Variants in DIDO1 observed in about 807,000 individuals in gnomAD.
DIDO1 encodes the protein death-inducer obliterator 1.
A neutral mutation model predicts 99.4 loss-of-function variants in DIDO1; 16 were observed. The observed-to-expected ratio is 0.16, with a 90% CI of 0.11 to 0.24. The LOEUF (loss-of-function observed/expected upper bound fraction) is 0.24. Ranked by LOEUF, DIDO1 falls within the 10% of genes least tolerant of loss-of-function variation. DIDO1 has a pLI of 1.00. For synonymous variants in DIDO1, 1,366 were observed against 1,239.1 expected, an observed-to-expected ratio of 1.10 and a Z score of -2.15; for missense variants, 2,996 against 3,014.0, an observed-to-expected ratio of 0.99 and a Z score of 0.14.
Position 62,880,617 on chromosome 20 carries a change from G to C in DIDO1, c.5339C>G (p.Pro1780Arg). Residue 1780 changes from proline (P) to arginine (R), a missense_variant, in exon 16 of 16, where the codon CCG (proline) becomes CGG (arginine). Transcript: ENST00000395343. ...AGAAGCGATATTCTCTTCTGGAAAC[G>C]GAGGGGCTGGCCCCCTTGGTCCCGG... The part of the protein sequence containing the change: ...NFPGPRGPAP[P>R]FPEENIASND... 6.2e-7 allele frequency: 1 copy of C among 1,612,920 alleles called. No homozygotes were observed. The highest frequency in any genetic ancestry group is 2.2e-5 in the East Asian group (1 of 44,878).
At chr20:62,922,531 T>C (rs921954794) in intron 1 of DIDO1, among the ~76,000 whole-genome samples, 7 of 151,876 alleles carry the variant, frequency 4.6e-5, no homozygotes, top group Non-Finnish European at 5.9e-5. Flanking sequence ...TACCAGGCAG[T>C]GTATCTGTCT....
intron 1 of DIDO1, among the ~76,000 whole-genome samples, chr20:62,933,719 A>G (rs2065352871): frequency 6.6e-6 from 1 of 152,144 alleles, no homozygotes; most frequent in South Asian, 2.1e-4. Context: ...AAAATAAACA[A>G]AATTAGCTGG....
chr20:62,911,393 C>T lies in DIDO1; in HGVS notation c.220G>A (p.Val74Met), dbSNP rs182296617. ...CGCGCAATGGTCAGGAACTGCTCCA[C>T]GCGCTCAGTGCGCTTGGGCTGCCTC... The part of the protein sequence containing the change: ...SGRQPKRTER[V>M]EQFLTIARRR... Residue 74 changes from valine (V) to methionine (M), a missense_variant, in exon 3 of 16, where the codon GTG becomes ATG. Val to Met is a conservative substitution (Grantham distance 21). Coordinates refer to ENST00000395343, the MANE Select transcript of DIDO1 (RefSeq NM_001193369.2). This position sits in a 1 kb window ranked among gnomAD's most constrained non-coding sequence, Gnocchi z 7.0. The T allele has an allele frequency of 1.6e-5, 26 of 1,612,266 alleles. 1 individual carries two copies. Among genetic ancestry groups the T allele is most frequent in the South Asian group, 3.3e-5 (3 of 91,018 alleles).
intron 3 of DIDO1, 97 bp from the exon 4 acceptor site, chr20:62,910,117 T>C (rs2064896920): frequency 7.7e-7 from 1 of 1,302,380 alleles, no homozygotes; most frequent in East Asian, 2.4e-5. Context: ...CATGAAAAAA[T>C]GCAAATATAC....
intron 6 of DIDO1, among the ~76,000 whole-genome samples, chr20:62,900,398 T>C (rs890823397): frequency 6.6e-6 from 1 of 152,248 alleles, no homozygotes; most frequent in African/African-American, 2.4e-5. Flanking sequence ...GAAGGCTGGC[T>C]GGCTTGGGTG....
intron 13 of DIDO1, 104 bp from the exon 14 acceptor site, chr20:62,892,180 A>G (rs542905169): frequency 1.1e-6 from 1 of 929,828 alleles, no homozygotes; most frequent in South Asian, 1.7e-5. Flanking sequence ...CAAGAAGACT[A>G]CAGCTATTCC....
At chr20:62,927,062 C>CT (rs397730878), upstream of DIDO1, among the ~76,000 whole-genome samples, 1 of 26,172 alleles carries the variant, frequency 3.8e-5, no homozygotes. Context: ...GAAGACCCTA[C>CT]CTGCTGCCTC....
intron 15 of DIDO1, chr20:62,888,973 A>G: frequency 1.0e-6 from 1 of 985,456 alleles, no homozygotes; most frequent in Non-Finnish European, 1.2e-6. Context: ...GCCCTGTGTT[A>G]CTTTACCCAG....
At chr20:62,930,946 T>G (rs890469626), upstream of DIDO1, among the ~76,000 whole-genome samples, 16 of 152,222 alleles carry the variant, frequency 1.1e-4, no homozygotes, top group African/African-American at 2.9e-4. Context: ...GCAGTTTGTG[T>G]TGTTGTTTTC....
At chr20:62,925,940 G>C (rs1314347564) in intron 1 of DIDO1, among the ~76,000 whole-genome samples, 1 of 152,168 alleles carries the variant, frequency 6.6e-6, no homozygotes, top group African/African-American at 2.4e-5. Context: ...GGAATCCCCC[G>C]AAGGCACGCC....
chr20:62,924,381 A>T (rs2065214184), intron 1 of DIDO1, among the ~76,000 whole-genome samples: 1 of 152,238 alleles, frequency 6.6e-6, no homozygotes, highest in South Asian at 2.1e-4. Flanking sequence ...GAGCCAAATA[A>T]GCCACTTGGT....
intron 1 of DIDO1, among the ~76,000 whole-genome samples, chr20:62,919,915 G>A (rs967589707): frequency 2.0e-5 from 3 of 152,216 alleles, no homozygotes; most frequent in Admixed American, 6.5e-5. Flanking sequence ...ATCATTTATC[G>A]AGGTGAAGGA....
In DIDO1 at chr20:62,894,879, G is replaced by C; in HGVS notation, c.2367C>G (p.Ser789Arg). 6.2e-7 allele frequency: 1 copy of C among 1,614,174 alleles called. No homozygotes were observed. Among genetic ancestry groups the C allele is most frequent in the Non-Finnish European group, 8.5e-7 (1 of 1,180,044 alleles). The change falls in exon 10 of 16, where the codon AGC becomes AGG. Residue 789 changes from serine to arginine, a missense_variant. Ser to Arg is a moderately radical substitution (Grantham distance 110). Coordinates refer to ENST00000395343, the MANE Select transcript of DIDO1 (RefSeq NM_001193369.2). This position sits in a 1 kb window ranked among gnomAD's most constrained non-coding sequence, Gnocchi z 4.4. ...CCTCCTGCCTGGGGGCCGTCTTCTT[G>C]CTTTCATTGTGCAGTTTAGTTCTGG... ...MESRTKLHNE[S>R]KKTAPRQEAI...
intron 1 of DIDO1, among the ~76,000 whole-genome samples, chr20:62,937,286 C>T (rs912138162): frequency 5.9e-5 from 9 of 152,264 alleles, no homozygotes; most frequent in Non-Finnish European, 1.3e-4. Context: ...CAATGACAGA[C>T]TTCGCATTCC....
chr20:62,890,731 CCT>C lies in DIDO1; in HGVS notation c.3541+227_3541+228del, dbSNP rs1057033538. 13 of 1,389,806 alleles carry C rather than the reference CCT, an allele frequency of 9.4e-6. No individual in the cohort carries two copies. The African/African-American group carries it at 1.9e-4, about 20-fold the overall frequency. 86.1% of individuals were successfully genotyped at this position (1,389,806 alleles called of 1,614,324 possible). On this transcript the variant is annotated intron_variant, in intron 15 of 15. Coordinates refer to ENST00000395343, the MANE Select transcript of DIDO1 (RefSeq NM_001193369.2). ...GCTGGTTGCAGGCTGTGGGTTTTTC[CCT>C]CTCTAAAAAACTCTCCTAAGACAAT...
rs73918856 is a variant in DIDO1 at position 62,892,451 on chromosome 20, T to C, written c.3255+358A>G. 2.6e-3 allele frequency among the ~76,000 whole-genome samples: 390 copies of C among 152,316 alleles called. 1 individual carries two copies. Among genetic ancestry groups the C allele is most frequent in the African/African-American group, 8.8e-3 (365 of 41,564 alleles). On this transcript the variant is annotated intron_variant, in intron 13 of 15. Transcript: ENST00000395343. ...AACTAAAAGGCCTGCCACGGGGTCATATGCGCCACCCCGCAAGTGGCCAGG... is the reference window on the plus strand; with the variant it reads ...AACTAAAAGGCCTGCCACGGGGTCACATGCGCCACCCCGCAAGTGGCCAGG...
intron 1 of DIDO1, among the ~76,000 whole-genome samples, chr20:62,932,212 G>T (rs1032764649): frequency 1.2e-4 from 19 of 152,228 alleles, no homozygotes; most frequent in African/African-American, 4.6e-4. Flanking sequence ...TAAATGTAGG[G>T]CCAGGCACGG....
At chr20:62,904,602 G>A (rs991966457) in intron 6 of DIDO1, among the ~76,000 whole-genome samples, 2 of 151,872 alleles carry the variant, frequency 1.3e-5, no homozygotes, top group African/African-American at 4.8e-5. Flanking sequence ...CCAACATGGT[G>A]AAACCCCGTC....
chr20:62,906,581 C>T (rs2064809617), intron 5 of DIDO1, among the ~76,000 whole-genome samples: 2 of 152,212 alleles, frequency 1.3e-5, no homozygotes, highest in African/African-American at 4.8e-5. Context: ...CAAGAAAACT[C>T]CCTGAACAGT....
Sources: gnomAD v4.1 joint callset for allele counts (sites outside exome capture counted in the v4.1 genomes callset) on GRCh38, gnomAD v4.1.1 for gene constraint, Gnocchi (gnomAD v3.1) non-coding constraint, MANE v1.5 for transcripts, NCBI Gene and HGNC (gene_info 2026-07-23, HGNC 2026-07-21) for gene names.